Variants in PLA2G4E observed in about 807,000 individuals in gnomAD.
The protein encoded by PLA2G4E is cytosolic phospholipase A2 epsilon.
PLA2G4E carries 84 observed loss-of-function variants against 109.1 expected under a neutral mutation model. That is an observed-to-expected ratio of 0.77 (90% confidence interval 0.65 to 0.92). The LOEUF (loss-of-function observed/expected upper bound fraction) is 0.92, where lower values mean the gene tolerates loss of function less well. Ranked by LOEUF, PLA2G4E falls within the 40% of genes least tolerant of loss-of-function variation. The pLI is 0.00. For missense variants in PLA2G4E, 1,057 were observed against 1,076.6 expected (o/e 0.98, Z 0.25); for synonymous variants, 469 against 436.1 (o/e 1.08, Z -0.94).
intron 16 of PLA2G4E, 51 bp from the exon 17 acceptor site, chr15:41,987,426 G>T: frequency 1.3e-6 from 2 of 1,558,500 alleles, no homozygotes; most frequent in Non-Finnish European, 1.8e-6. Flanking sequence ...GGAGTCCCCA[G>T]ATTGCCTATG....
intron 17 of PLA2G4E, among the ~76,000 whole-genome samples, chr15:41,986,582 ATCATGGC>A (rs1258406469): frequency 6.6e-6 from 1 of 151,090 alleles, no homozygotes; most frequent in Non-Finnish European, 1.5e-5. Context: ...CAGTGGCGTG[ATCATGGC>A]TCATTGCAGC....
At chr15:42,050,456 C>A (rs1889487168) in intron 1 of PLA2G4E, 5 of 1,478,824 alleles carry the variant, frequency 3.4e-6, no homozygotes, top group African/African-American at 2.8e-5. Context: ...TGATCTTATT[C>A]CGAGTCAGGA....
intron 1 of PLA2G4E, among the ~76,000 whole-genome samples, chr15:42,041,967 C>T (rs558587975): frequency 3.3e-5 from 5 of 152,270 alleles, no homozygotes; most frequent in African/African-American, 9.6e-5. Context: ...AATGGCCATG[C>T]GAATTCTCTG....
At chr15:42,036,208 GACA>G (rs1239158388) in intron 1 of PLA2G4E, among the ~76,000 whole-genome samples, 1 of 152,176 alleles carries the variant, frequency 6.6e-6, no homozygotes, top group Non-Finnish European at 1.5e-5. Context: ...GGAGGAGGCC[GACA>G]GCCTCCTCTG....
intron 1 of PLA2G4E, among the ~76,000 whole-genome samples, chr15:42,023,488 G>A (rs1271677837): frequency 6.6e-6 from 1 of 152,056 alleles, no homozygotes; most frequent in African/African-American, 2.4e-5. Flanking sequence ...TTGAAACAAG[G>A]GATCAATTAG....
At chr15:42,049,488 G>C (rs1390278358) in intron 1 of PLA2G4E, among the ~76,000 whole-genome samples, 2 of 152,148 alleles carry the variant, frequency 1.3e-5, no homozygotes, top group African/African-American at 4.8e-5. Flanking sequence ...CAGTATGGAG[G>C]ATGGTCCCCC....
At chr15:41,993,772 T>C (rs373642862) in intron 12 of PLA2G4E, among the ~76,000 whole-genome samples, 1 of 152,138 alleles carries the variant, frequency 6.6e-6, no homozygotes, top group Non-Finnish European at 1.5e-5. Context: ...AGGACTTGCT[T>C]TTGGGAAGGT....
At chr15:42,025,372 G>C (rs890655077) in intron 1 of PLA2G4E, among the ~76,000 whole-genome samples, 1 of 152,128 alleles carries the variant, frequency 6.6e-6, no homozygotes, top group Non-Finnish European at 1.5e-5. Flanking sequence ...TAAGGATTCA[G>C]AGTGGGAGAG....
chr15:42,010,302 C>T (rs187479945), intron 2 of PLA2G4E: 12 of 356,062 alleles, frequency 3.4e-5, no homozygotes, highest in Admixed American at 2.3e-4. Flanking sequence ...TCCTGTCATT[C>T]GTCCATGCCT....
At position 41,983,996 on chromosome 15, in the gene PLA2G4E, G is replaced by T. The variant is rs578192168; in HGVS notation, c.2387-22C>A. On this transcript the variant is annotated intron_variant, in intron 19 of 19. Coordinates refer to ENST00000399518, the Ensembl canonical transcript of PLA2G4E. ...ACACCTGTGGGCAGCAGGATGACTTGTTATAGACTCTGTCATGTTAGGTTG... is the reference window on the plus strand; with the variant it reads ...ACACCTGTGGGCAGCAGGATGACTTTTTATAGACTCTGTCATGTTAGGTTG... 84 of 1,573,536 alleles carry T rather than the reference G, an allele frequency of 5.3e-5. No individual in the cohort carries two copies. In the South Asian group the frequency reaches 9.1e-4, roughly 17 times the overall value.
intron 1 of PLA2G4E, among the ~76,000 whole-genome samples, chr15:42,033,201 G>A (rs866381915): frequency 6.6e-6 from 1 of 152,142 alleles, no homozygotes; most frequent in Non-Finnish European, 1.5e-5. Flanking sequence ...ATAAAGTCCA[G>A]TTGCACCGAG....
chr15:42,014,139 AC>A (rs1186380082), intron 1 of PLA2G4E, among the ~76,000 whole-genome samples: 1 of 151,740 alleles, frequency 6.6e-6, no homozygotes, highest in East Asian at 1.9e-4. Flanking sequence ...TGATCCACCC[AC>A]CTCGGCCTCC....
intron 3 of PLA2G4E, among the ~76,000 whole-genome samples, chr15:42,006,689 A>G (rs2068480704): frequency 6.6e-6 from 1 of 152,174 alleles, no homozygotes; most frequent in Non-Finnish European, 1.5e-5. Context: ...CTACCTTGTC[A>G]TCTGGCTGAA....
At chr15:41,986,529 T>C (rs1217183705) in intron 17 of PLA2G4E, among the ~76,000 whole-genome samples, 3 of 151,770 alleles carry the variant, frequency 2.0e-5, no homozygotes, top group Non-Finnish European at 2.9e-5. Context: ...ACATTTTTTT[T>C]TTTTTTGAGA....
intron 1 of PLA2G4E, among the ~76,000 whole-genome samples, chr15:42,031,768 T>A (rs533617570): frequency 1.3e-5 from 2 of 151,848 alleles, no homozygotes; most frequent in Admixed American, 1.3e-4. Flanking sequence ...GAAGGGGAGG[T>A]CTTCTAGCAA....
intron 1 of PLA2G4E, among the ~76,000 whole-genome samples, chr15:42,027,742 T>A (rs1286488100): frequency 6.6e-6 from 1 of 152,198 alleles, no homozygotes. Flanking sequence ...CACTGGTCCT[T>A]CATGCCCAGG....
At chr15:42,015,901 G>A (rs955609868) in intron 1 of PLA2G4E, among the ~76,000 whole-genome samples, 3 of 152,208 alleles carry the variant, frequency 2.0e-5, no homozygotes, top group African/African-American at 7.2e-5. Context: ...TTCTGTTCTT[G>A]GTTCATGCCT....
chr15:42,042,450 C>A (rs1889331909), intron 1 of PLA2G4E, among the ~76,000 whole-genome samples: 1 of 151,958 alleles, frequency 6.6e-6, no homozygotes, highest in African/African-American at 2.4e-5. Context: ...ATCAGAAGAA[C>A]AATTTTGTAA....
At chr15:41,983,430 G>A (rs182728656) in exon 20 of PLA2G4E, 218 of 308,650 alleles carry the variant, frequency 7.1e-4, no homozygotes, top group African/African-American at 2.5e-3. Flanking sequence ...CCTCTGAGTC[G>A]AGGTTTCTGG....
Sources: allele counts gnomAD v4.1 joint callset (sites outside exome capture counted in the v4.1 genomes callset), GRCh38; gene constraint gnomAD v4.1.1; transcripts MANE v1.5; gene names NCBI Gene and HGNC (gene_info 2026-07-23, HGNC 2026-07-21).